The following NEK6 variants were observed in gnomAD, a reference collection of about 807,000 sequenced individuals.
The protein encoded by NEK6 is NIMA related kinase 6, also known as serine/threonine-protein kinase Nek6.
In NEK6, 27 loss-of-function variants were observed where a neutral mutation model predicts 43.5. The ratio of observed to expected loss-of-function variants is 0.62; its 90% CI spans 0.46 to 0.86. The LOEUF is 0.86. NEK6 is among the 40% of genes least tolerant of loss of function. The pLI, the probability that NEK6 is intolerant of heterozygous loss-of-function variation, is 0.00. For missense variants in NEK6, 318 were observed against 414.4 expected (o/e 0.77, Z 2.02); for synonymous variants, 167 against 164.1 (o/e 1.02, Z -0.14).
At chr9:124,272,086 T>A (rs1588442120) in intron 1 of NEK6, among the ~76,000 whole-genome samples, 1 of 152,148 alleles carries the variant, frequency 6.6e-6, no homozygotes, top group Non-Finnish European at 1.5e-5. Flanking sequence ...GTGGTAAGGG[T>A]GTATAGTCCT....
chr9:124,320,643 C>G (rs1022615750), intron 4 of NEK6, among the ~76,000 whole-genome samples: 4 of 152,228 alleles, frequency 2.6e-5, no homozygotes, highest in Non-Finnish European at 5.9e-5. Context: ...TCCTCTTAGC[C>G]TGGAGGGCCT....
chr9:124,270,874 A>G (rs1831410602), intron 1 of NEK6, among the ~76,000 whole-genome samples: 1 of 152,252 alleles, frequency 6.6e-6, no homozygotes, highest in Non-Finnish European at 1.5e-5. Context: ...GTGAAAGCAC[A>G]GCATGAAGCC....
At chr9:124,325,668 C>G (rs1834298036) in intron 5 of NEK6, among the ~76,000 whole-genome samples, 1 of 152,250 alleles carries the variant, frequency 6.6e-6, no homozygotes, top group Non-Finnish European at 1.5e-5. Flanking sequence ...TTACAGCTCA[C>G]TCAGTGTGGC....
intron 1 of NEK6, chr9:124,286,300 T>C (rs1249022848): frequency 1.3e-5 from 2 of 152,162 alleles, no homozygotes; most frequent in African/African-American, 4.8e-5. Context: ...ATAGAAAAAT[T>C]AACCTCTTGA....
At chr9:124,309,675 A>G (rs1278377934) in intron 2 of NEK6, among the ~76,000 whole-genome samples, 1 of 152,282 alleles carries the variant, frequency 6.6e-6, no homozygotes, top group Non-Finnish European at 1.5e-5. Flanking sequence ...GGAAACTAGC[A>G]CATAGTAGGC....
intron 8 of NEK6, among the ~76,000 whole-genome samples, chr9:124,340,762 G>A (rs1160811753): frequency 1.2e-4 from 18 of 152,206 alleles, no homozygotes; most frequent in Admixed American, 5.2e-4. Context: ...TCAGGACAGC[G>A]TGTCCAGGGC....
chr9:124,318,423 G>C (rs1252119081), intron 4 of NEK6, among the ~76,000 whole-genome samples: 3 of 151,806 alleles, frequency 2.0e-5, no homozygotes, highest in Non-Finnish European at 4.4e-5. Flanking sequence ...TTTTTGTAGT[G>C]ACAAGGTCTC....
intron 8 of NEK6, 142 bp from the exon 9 acceptor site, chr9:124,347,567 T>A: frequency 1.9e-6 from 1 of 538,034 alleles, no homozygotes; most frequent in Non-Finnish European, 3.3e-6. Flanking sequence ...GCTCGGTGAT[T>A]CGGGGGAGAA....
At position 124,301,916 on chromosome 9, in the gene NEK6, G is replaced by A. The variant is rs773702318; in HGVS notation, c.-29-20G>A. On this transcript the variant is annotated intron_variant, in intron 1 of 9. Coordinates refer to ENST00000320246, the MANE Select transcript of NEK6 (RefSeq NM_014397.6). Reference sequence around the variant, plus strand: ...AGGGTCTCAAAGAGAAAGTGAACAGGCCGCTGTTTTCTGTTGCAGTTCGTG... The same window carrying A: ...AGGGTCTCAAAGAGAAAGTGAACAGACCGCTGTTTTCTGTTGCAGTTCGTG... 4 of 1,545,172 alleles carry A rather than the reference G, an allele frequency of 2.6e-6. No individual in the cohort carries two copies. Among genetic ancestry groups the A allele is most frequent in the Non-Finnish European group, 3.5e-6 (4 of 1,139,444 alleles).
Position 124,327,246 on chromosome 9 carries a change from C to T in NEK6, c.515-92C>T, listed in dbSNP as rs911317471. On this transcript the variant is annotated intron_variant, in intron 6 of 9. Transcript: ENST00000320246. ...TTGCCCTGAGGGAGCAGGACCTGGGCTAGGCCTCACCTTCCTCCCCCTTCC... is the reference window on the plus strand; with the variant it reads ...TTGCCCTGAGGGAGCAGGACCTGGGTTAGGCCTCACCTTCCTCCCCCTTCC... 6.8e-6 allele frequency: 7 copies of T among 1,033,372 alleles called. No homozygotes were observed. The African/African-American group carries it at 1.1e-4, about 16-fold the overall frequency. 64.0% of individuals were successfully genotyped at this position (1,033,372 alleles called of 1,614,324 possible).
At chr9:124,285,057 C>T (rs1832091939) in intron 1 of NEK6, among the ~76,000 whole-genome samples, 1 of 152,196 alleles carries the variant, frequency 6.6e-6, no homozygotes, top group Non-Finnish European at 1.5e-5. Context: ...GAAAACACAT[C>T]AGCAGATTGT....
At chr9:124,285,928 A>G (rs554524698) in intron 1 of NEK6, among the ~76,000 whole-genome samples, 2 of 152,366 alleles carry the variant, frequency 1.3e-5, no homozygotes, top group South Asian at 2.1e-4. Context: ...ACTCAAGTGC[A>G]TAGAACGATG....
chr9:124,304,107 G>C (rs996861472), intron 2 of NEK6, among the ~76,000 whole-genome samples: 7 of 152,258 alleles, frequency 4.6e-5, no homozygotes, highest in African/African-American at 1.7e-4. Context: ...AGTCCCACCA[G>C]CATCTGGCTG....
Position 124,327,842 on chromosome 9 carries a change from C to T in NEK6, c.622+397C>T, listed in dbSNP as rs563759354. ...TCCTAGTTTCTGGCTTTTAAACTGG[C>T]GGTTTTGAGGCTGTGGGGACCAGGT... On this transcript the variant is annotated intron_variant, in intron 7 of 9. Transcript: ENST00000320246. Among the ~76,000 whole-genome samples, 363 of 152,242 alleles carry T rather than the reference C, an allele frequency of 2.4e-3. 1 individual carries two copies. Among genetic ancestry groups the T allele is most frequent in the African/African-American group, 8.5e-3 (355 of 41,530 alleles).
chr9:124,321,808 A>G (rs1228733162), intron 5 of NEK6, among the ~76,000 whole-genome samples: 1 of 152,204 alleles, frequency 6.6e-6, no homozygotes, highest in African/African-American at 2.4e-5. Context: ...GCCTCAGGGA[A>G]GCTCAGCTCA....
intron 1 of NEK6, among the ~76,000 whole-genome samples, chr9:124,272,930 G>GT (rs1588443110): frequency 1.3e-5 from 2 of 152,198 alleles, no homozygotes; most frequent in Non-Finnish European, 1.5e-5. Context: ...GTGAATGGAT[G>GT]TTTTTTTAAT....
intron 1 of NEK6, chr9:124,292,659 T>C (rs1285980780): frequency 2.9e-6 from 4 of 1,364,526 alleles, no homozygotes; most frequent in Non-Finnish European, 4.0e-6. Context: ...ATCCCTTCCC[T>C]TAAGCCCCAG....
At chr9:124,282,681 C>T (rs1831971559) in intron 1 of NEK6, among the ~76,000 whole-genome samples, 1 of 152,050 alleles carries the variant, frequency 6.6e-6, no homozygotes, top group African/African-American at 2.4e-5. Context: ...CCGGGATCCC[C>T]CTGACTCTCT....
chr9:124,305,109 T>C (rs1833186061), intron 2 of NEK6, among the ~76,000 whole-genome samples: 2 of 152,194 alleles, frequency 1.3e-5, no homozygotes, highest in African/African-American at 4.8e-5. Flanking sequence ...AGTTCAGTTA[T>C]ATTTGGGTGC....
Sources: allele counts gnomAD v4.1 joint callset (sites outside exome capture counted in the v4.1 genomes callset), GRCh38; gene constraint gnomAD v4.1.1; transcripts MANE v1.5; gene names NCBI Gene and HGNC (gene_info 2026-07-23, HGNC 2026-07-21).